The following KLF12 variants were observed in gnomAD, a reference collection of about 807,000 sequenced individuals.
The protein encoded by KLF12 is Krueppel-like factor 12.
In KLF12, 9 loss-of-function variants were observed where a neutral mutation model predicts 37.8. That is an observed-to-expected ratio of 0.24 (90% CI 0.14 to 0.42). The LOEUF is 0.42. Among genes scored for constraint, KLF12 ranks in the 10% least tolerant of loss-of-function variants. The pLI, the probability that KLF12 is intolerant of heterozygous loss-of-function variation, is 1.00. For synonymous variants in KLF12, 208 were observed against 202.1 expected, an observed-to-expected ratio of 1.03 and a Z score of -0.25; for missense variants, 411 against 516.0, an observed-to-expected ratio of 0.80 and a Z score of 1.97.
chr13:74,166,057 G>A, the KLF12 span, among the ~76,000 whole-genome samples: 1 of 149,246 alleles, frequency 6.7e-6, no homozygotes, highest in African/African-American at 2.5e-5. Context: ...TGGATCGATT[G>A]CACAGGATTT....
the KLF12 span, among the ~76,000 whole-genome samples, chr13:74,264,886 C>T: frequency 1.3e-5 from 2 of 151,778 alleles, no homozygotes; most frequent in Non-Finnish European, 2.9e-5. Context: ...TTAGGTTAGT[C>T]TATTTTTTTT....
intron 1 of KLF12, among the ~76,000 whole-genome samples, chr13:74,058,916 C>A (rs553234046): frequency 1.3e-5 from 2 of 152,244 alleles, no homozygotes; most frequent in Admixed American, 1.3e-4. Flanking sequence ...GATCATTGTA[C>A]CCAAAAGGTA....
intron 1 of KLF12, among the ~76,000 whole-genome samples, chr13:74,079,283 A>G (rs1874745665): frequency 6.6e-6 from 1 of 152,184 alleles, no homozygotes; most frequent in Non-Finnish European, 1.5e-5. Context: ...CAAGATGAAA[A>G]AAGTTCTGGA....
the KLF12 span, among the ~76,000 whole-genome samples, chr13:74,301,711 T>C: frequency 3.3e-5 from 5 of 152,178 alleles, no homozygotes; most frequent in Non-Finnish European, 5.9e-5. Flanking sequence ...AAACCCAGTT[T>C]AAATTTGTTC....
the KLF12 span, among the ~76,000 whole-genome samples, chr13:74,295,981 AT>A: frequency 6.3e-4 from 92 of 144,988 alleles, no homozygotes; most frequent in Middle Eastern, 3.6e-3. Context: ...GACCAACCAA[AT>A]TTTTTTTTTT....
At chr13:74,293,678 T>C in the KLF12 span, among the ~76,000 whole-genome samples, 20 of 152,312 alleles carry the variant, frequency 1.3e-4, no homozygotes, top group South Asian at 4.1e-3. Flanking sequence ...CCTGCTGACA[T>C]TCCAAACGAG....
intron 5 of KLF12, among the ~76,000 whole-genome samples, chr13:73,791,484 T>C (rs560155180): frequency 2.2e-4 from 34 of 152,342 alleles, no homozygotes; most frequent in African/African-American, 7.5e-4. Flanking sequence ...GGGGACATTT[T>C]GTGGCTGTTC....
At chr13:74,056,607 T>C (rs146018862) in intron 1 of KLF12, among the ~76,000 whole-genome samples, 18 of 152,324 alleles carry the variant, frequency 1.2e-4, no homozygotes, top group African/African-American at 3.4e-4. Flanking sequence ...ATTCTACAAA[T>C]AGGCTCAGAA....
rs1873648754 is a variant in KLF12 at position 73,688,790 on chromosome 13, C to T, written c.*6700G>A. 1.3e-5 allele frequency: 2 copies of T among 152,076 alleles called. No individual in the cohort carries two copies. The highest frequency in any genetic ancestry group is 4.8e-5 in the African/African-American group (2 of 41,386). The allele number at this position is 152,076 out of a possible 1,614,324, so 9.4% of individuals were successfully genotyped here. ...ATGATGACTACTCATGCATGTTGTC[C>T]ATAATAAAATTACTGAGAGTCAGGA... On this transcript the variant is annotated 3_prime_UTR_variant, in exon 8 of 8. Coordinates refer to ENST00000377669, the MANE Select transcript of KLF12 (RefSeq NM_007249.5).
the KLF12 span, among the ~76,000 whole-genome samples, chr13:74,282,010 G>A: frequency 1.3e-5 from 2 of 152,026 alleles, no homozygotes; most frequent in South Asian, 2.1e-4. Flanking sequence ...CAAACACCAG[G>A]GATCATCTGA....
At chr13:73,785,270 C>T (rs1321442314) in intron 5 of KLF12, among the ~76,000 whole-genome samples, 2 of 151,948 alleles carry the variant, frequency 1.3e-5, no homozygotes, top group African/African-American at 2.4e-5. Context: ...GGTGCCACCA[C>T]ACCATGCTAA....
At chr13:74,125,955 C>G (rs181121146) in intron 1 of KLF12, among the ~76,000 whole-genome samples, 3 of 152,316 alleles carry the variant, frequency 2.0e-5, no homozygotes, top group Admixed American at 2.0e-4. Flanking sequence ...GTTCAGCTCT[C>G]TACAGCTAAC....
chr13:73,708,750 T>C (rs1436521808), intron 7 of KLF12, among the ~76,000 whole-genome samples: 3 of 152,222 alleles, frequency 2.0e-5, no homozygotes, highest in Non-Finnish European at 4.4e-5. Context: ...TAATAAGCAA[T>C]AGAACTCTTA....
chr13:74,201,513 C>G, the KLF12 span, among the ~76,000 whole-genome samples: 33 of 152,148 alleles, frequency 2.2e-4, no homozygotes, highest in Non-Finnish European at 4.7e-4. Flanking sequence ...CCAATAAGCT[C>G]TTCCCCAGGA....
chr13:74,262,760 C>T, the KLF12 span, among the ~76,000 whole-genome samples: 367 of 151,988 alleles, frequency 2.4e-3, 1 homozygote, highest in African/African-American at 8.5e-3. Context: ...TGCATGATCC[C>T]GACTCAGTTA....
the KLF12 span, among the ~76,000 whole-genome samples, chr13:74,216,907 C>T: frequency 6.6e-6 from 1 of 152,116 alleles, no homozygotes; most frequent in East Asian, 1.9e-4. Context: ...AAATTTATGA[C>T]TTTATATTAA....
intron 3 of KLF12, among the ~76,000 whole-genome samples, chr13:73,903,864 G>A (rs1364358896): frequency 6.6e-6 from 1 of 152,150 alleles, no homozygotes; most frequent in African/African-American, 2.4e-5. Context: ...GCATGTGAGG[G>A]ATCTAGGTTG....
chr13:73,900,120 A>G (rs1344336774), intron 3 of KLF12, among the ~76,000 whole-genome samples: 2 of 152,236 alleles, frequency 1.3e-5, no homozygotes, highest in Non-Finnish European at 2.9e-5. Context: ...CATGAAAAGT[A>G]TAAAATCACT....
At chr13:73,727,708 T>C (rs922303951) in intron 6 of KLF12, among the ~76,000 whole-genome samples, 1 of 152,048 alleles carries the variant, frequency 6.6e-6, no homozygotes, top group African/African-American at 2.4e-5. Context: ...CTTTCTTTTT[T>C]TTTTTTTGAG....
Sources: gnomAD v4.1 joint callset for allele counts (sites outside exome capture counted in the v4.1 genomes callset) on GRCh38, gnomAD v4.1.1 for gene constraint, MANE v1.5 for transcripts, NCBI Gene and HGNC (gene_info 2026-07-23, HGNC 2026-07-21) for gene names.